Variants in PARD3 observed in about 807,000 individuals in gnomAD.
The protein encoded by PARD3 is par-3 family cell polarity regulator.
A neutral mutation model predicts 155.4 loss-of-function variants in PARD3; 75 were observed. The ratio of observed to expected loss-of-function variants is 0.48; its 90% CI spans 0.40 to 0.58. PARD3 has a LOEUF of 0.58. PARD3 is among the 20% of genes least tolerant of loss of function. PARD3 has a pLI of 0.00. For missense variants in PARD3, 1,642 were observed against 1,721.7 expected (o/e 0.95, Z 0.82); for synonymous variants, 576 against 610.5 (o/e 0.94, Z 0.83).
intron 1 of PARD3, among the ~76,000 whole-genome samples, chr10:34,787,171 G>C (rs1403277724): frequency 6.6e-6 from 1 of 152,148 alleles, no homozygotes; most frequent in Non-Finnish European, 1.5e-5. Flanking sequence ...CACGAGGTCA[G>C]GAGTTGGAGA....
At chr10:34,608,180 A>G (rs1216675546) in intron 2 of PARD3, among the ~76,000 whole-genome samples, 3 of 152,188 alleles carry the variant, frequency 2.0e-5, no homozygotes, top group African/African-American at 7.2e-5. Context: ...AGAGCAGGGG[A>G]TTTCAGTTCT....
intron 2 of PARD3, among the ~76,000 whole-genome samples, chr10:34,528,527 GGTTTTGTTTT>G (rs553436342): frequency 3.4e-4 from 52 of 152,160 alleles, no homozygotes; most frequent in South Asian, 6.2e-4. Flanking sequence ...AGTAGTGATA[GGTTTTGTTTT>G]GTTTTGTTTT....
intron 23 of PARD3, among the ~76,000 whole-genome samples, chr10:34,120,002 TAA>T (rs1946898849): frequency 7.7e-5 from 11 of 142,534 alleles, no homozygotes; most frequent in Admixed American, 4.3e-4. Context: ...TAGTCTTCTT[TAA>T]TTTTTTTTTT....
chr10:34,639,407 G>T (rs1286868957), intron 2 of PARD3, among the ~76,000 whole-genome samples: 1 of 151,864 alleles, frequency 6.6e-6, no homozygotes, highest in Non-Finnish European at 1.5e-5. Context: ...AAATACATAG[G>T]AAAACACAAG....
intron 15 of PARD3, chr10:34,343,883 C>T: frequency 1.0e-6 from 1 of 982,820 alleles, no homozygotes; most frequent in African/African-American, 1.7e-5. Context: ...TGTTTGTTTA[C>T]TAAACATTTA....
chr10:34,602,608 G>A (rs2089888318), intron 2 of PARD3, among the ~76,000 whole-genome samples: 1 of 152,162 alleles, frequency 6.6e-6, no homozygotes, highest in Non-Finnish European at 1.5e-5. Flanking sequence ...ATGGACTACT[G>A]TTACACTCAA....
chr10:34,287,947 A>G (rs1452378123), intron 20 of PARD3, among the ~76,000 whole-genome samples: 1 of 152,174 alleles, frequency 6.6e-6, no homozygotes, highest in African/African-American at 2.4e-5. Context: ...GCAGTGGCTC[A>G]TGCCTGCAAT....
intron 3 of PARD3, among the ~76,000 whole-genome samples, chr10:34,480,794 CTTTTTTTTTTT>C: frequency 1.6e-5 from 2 of 125,756 alleles, no homozygotes; most frequent in Middle Eastern, 4.6e-3. Flanking sequence ...GTTTCTTTTT[CTTTTTTTTTTT>C]TTTTTTTTCT....
At chr10:34,797,876 A>C (rs1195931797) in intron 1 of PARD3, among the ~76,000 whole-genome samples, 1 of 152,236 alleles carries the variant, frequency 6.6e-6, no homozygotes, top group Non-Finnish European at 1.5e-5. Flanking sequence ...ATGACCTTGC[A>C]CATGTGTTGT....
chr10:34,499,456 A>C (rs7092877), intron 3 of PARD3, among the ~76,000 whole-genome samples: 15,950 of 152,150 alleles, frequency 0.1, 2,679 homozygotes, highest in African/African-American at 0.35. Context: ...CGAGGTTTCC[A>C]TATAAAATTA....
intron 22 of PARD3, among the ~76,000 whole-genome samples, chr10:34,140,803 T>C (rs549451142): frequency 2.0e-5 from 3 of 152,228 alleles, no homozygotes; most frequent in Non-Finnish European, 1.5e-5. Flanking sequence ...ATTCAATTTC[T>C]CTTCTGGTTG....
chr10:34,113,786 G>A (rs1946522880), intron 24 of PARD3, among the ~76,000 whole-genome samples: 1 of 152,114 alleles, frequency 6.6e-6, no homozygotes, highest in Non-Finnish European at 1.5e-5. Flanking sequence ...TCTGCTCACT[G>A]GGCTCAAGTT....
At chr10:34,278,271 C>G (rs1454456547) in intron 21 of PARD3, among the ~76,000 whole-genome samples, 1 of 152,110 alleles carries the variant, frequency 6.6e-6, no homozygotes, top group South Asian at 2.1e-4. Context: ...TGGTATCGAA[C>G]TCCTGGCCTC....
intron 2 of PARD3, among the ~76,000 whole-genome samples, chr10:34,644,527 C>T (rs905510657): frequency 2.6e-5 from 4 of 152,200 alleles, no homozygotes; most frequent in Non-Finnish European, 5.9e-5. Context: ...CATGTTAAAC[C>T]CTTCAACCAC....
chr10:34,681,080 T>C (rs1202505739), intron 2 of PARD3, among the ~76,000 whole-genome samples: 1 of 152,140 alleles, frequency 6.6e-6, no homozygotes, highest in Non-Finnish European at 1.5e-5. Context: ...GACAGCTGTA[T>C]TTAACAGTGT....
At chr10:34,198,324 C>T (rs1951045331) in intron 22 of PARD3, among the ~76,000 whole-genome samples, 1 of 152,088 alleles carries the variant, frequency 6.6e-6, no homozygotes, top group Non-Finnish European at 1.5e-5. Flanking sequence ...TTTCTGTAAA[C>T]AGTCAACATT....
At chr10:34,385,435 T>C (rs1842259865) in intron 7 of PARD3, among the ~76,000 whole-genome samples, 1 of 152,120 alleles carries the variant, frequency 6.6e-6, no homozygotes, top group South Asian at 2.1e-4. Flanking sequence ...TGTTAATTAC[T>C]TGATGGCTGG....
At chr10:34,451,570 T>A (rs1263078739) in intron 4 of PARD3, among the ~76,000 whole-genome samples, 1 of 152,152 alleles carries the variant, frequency 6.6e-6, no homozygotes, top group Admixed American at 6.6e-5. Context: ...TCTTCCTTCA[T>A]GAGTTCCATC....
At chr10:34,503,908 C>T (rs147355334) in intron 3 of PARD3, among the ~76,000 whole-genome samples, 2 of 152,304 alleles carry the variant, frequency 1.3e-5, no homozygotes, top group East Asian at 1.9e-4. Flanking sequence ...TGTCATAATG[C>T]TCCTTTTATA....
Sources: gnomAD v4.1 joint callset for allele counts (sites outside exome capture counted in the v4.1 genomes callset) on GRCh38, gnomAD v4.1.1 for gene constraint, MANE v1.5 for transcripts, NCBI Gene and HGNC (gene_info 2026-07-23, HGNC 2026-07-21) for gene names.